PCGF3: variants seen among roughly 807,000 people sequenced by gnomAD.
PCGF3 encodes the protein polycomb group ring finger 3.
In PCGF3, 7 loss-of-function variants were observed where a neutral mutation model predicts 33.1. That is an observed-to-expected ratio of 0.21 (90% CI 0.12 to 0.40). The LOEUF (loss-of-function observed/expected upper bound fraction) is 0.40, where lower values mean the gene tolerates loss of function less well. PCGF3 is among the 10% of genes least tolerant of loss of function. The pLI is 1.00. For missense variants in PCGF3, 211 were observed against 313.3 expected, an observed-to-expected ratio of 0.67 and a Z score of 2.46; for synonymous variants, 153 against 121.3, an observed-to-expected ratio of 1.26 and a Z score of -1.72.
rs182600284 is a variant in PCGF3, at chr4:742,235, G to A, written c.263-1239G>A. On this transcript the variant is annotated intron_variant, in intron 6 of 10. Transcript: ENST00000362003. ...TCCCCTCCTCTCTCCCCAGGCTCTCGGGGTCCCCTCCTCTCTCTGCCCAGG... is the reference window on the plus strand; with the variant it reads ...TCCCCTCCTCTCTCCCCAGGCTCTCAGGGTCCCCTCCTCTCTCTGCCCAGG... Among the ~76,000 whole-genome samples, 739 of 147,326 alleles carry A rather than the reference G, an allele frequency of 5.0e-3. 10 individuals are homozygous for A. The highest frequency in any genetic ancestry group is 0.017 in the African/African-American group (682 of 39,808).
chr4:736,130 C>T (rs1743811885), intron 5 of PCGF3, among the ~76,000 whole-genome samples: 1 of 152,084 alleles, frequency 6.6e-6, no homozygotes. Context: ...TCACCGCAAC[C>T]TCCACCTCCC....
intron 6 of PCGF3, among the ~76,000 whole-genome samples, chr4:740,950 C>T (rs915223069): frequency 1.3e-5 from 2 of 152,130 alleles, no homozygotes; most frequent in Non-Finnish European, 2.9e-5. Flanking sequence ...TTCATGACGA[C>T]GTCAGAACGA....
intron 1 of PCGF3, among the ~76,000 whole-genome samples, chr4:710,909 C>T (rs1325202861): frequency 1.3e-5 from 2 of 152,218 alleles, no homozygotes; most frequent in African/African-American, 4.8e-5. Flanking sequence ...TTTCCTAAAC[C>T]ATTTTAAATA....
intron 6 of PCGF3, among the ~76,000 whole-genome samples, chr4:738,715 C>G (rs552810003): frequency 1.6e-4 from 24 of 148,380 alleles, no homozygotes; most frequent in African/African-American, 5.9e-4. Context: ...AAAAATTAGT[C>G]GGGCGTGGTG....
At chr4:736,355 ACTTTT>A (rs1253219106) in intron 5 of PCGF3, among the ~76,000 whole-genome samples, 1 of 152,126 alleles carries the variant, frequency 6.6e-6, no homozygotes, top group Non-Finnish European at 1.5e-5. Context: ...GCCCTCACAG[ACTTTT>A]CTTTACATTA....
At chr4:725,230 G>A (rs1265233206) in intron 1 of PCGF3, 1 of 152,582 alleles carries the variant, frequency 6.6e-6, no homozygotes, top group Non-Finnish European at 1.5e-5. Context: ...GCCGTGTGAG[G>A]TGCGTATTGC....
At chr4:763,635 C>T (rs1167126414) in intron 9 of PCGF3, among the ~76,000 whole-genome samples, 1 of 152,240 alleles carries the variant, frequency 6.6e-6, no homozygotes, top group African/African-American at 2.4e-5. Flanking sequence ...CCCGCAGGCC[C>T]TGTGGAGAAC....
intron 9 of PCGF3, chr4:764,773 T>A: frequency 1.9e-6 from 1 of 535,116 alleles, no homozygotes; most frequent in East Asian, 3.2e-5. Flanking sequence ...TGCACTGGAT[T>A]TCCGTTCAGC....
chr4:757,468 GCTT>G (rs937760146), intron 8 of PCGF3: 2 of 152,232 alleles, frequency 1.3e-5, no homozygotes, highest in Non-Finnish European at 2.9e-5. Flanking sequence ...TCTTTGGGGG[GCTT>G]CTTCCTCATT....
chr4:725,311 T>G (rs537733305), intron 1 of PCGF3: 1 of 153,252 alleles, frequency 6.5e-6, no homozygotes, highest in East Asian at 1.9e-4. Context: ...TGTTTCCAGC[T>G]TTAAGCTTTC....
intron 1 of PCGF3, among the ~76,000 whole-genome samples, chr4:707,487 G>A (rs967589737): frequency 7.1e-6 from 1 of 141,356 alleles, no homozygotes; most frequent in South Asian, 2.3e-4. Flanking sequence ...CCTGGGGGCC[G>A]GGACCCTGGG....
chr4:729,681 C>G (rs1036327081), intron 1 of PCGF3, among the ~76,000 whole-genome samples: 2 of 152,240 alleles, frequency 1.3e-5, no homozygotes, highest in Admixed American at 1.3e-4. Flanking sequence ...TAACTCTACT[C>G]TTTCCCTTCT....
chr4:765,020 G>C, exon 10 of PCGF3: 1 of 1,614,054 alleles, frequency 6.2e-7, no homozygotes, highest in Non-Finnish European at 8.5e-7. Context: ...CCTGGGCAAG[G>C]ACCACACACT....
At chr4:758,681 CGCGGCCCCTCTCCCGAGTTCTTCTCCT>C (rs1744905271) in intron 8 of PCGF3, among the ~76,000 whole-genome samples, 1 of 86,418 alleles carries the variant, frequency 1.2e-5, no homozygotes, top group East Asian at 3.4e-4. Context: ...TTTCTCCCCG[CGCGGCCCCTCTCCCGAGTTCTTCTCCT>C]TCCGGACTCC....
chr4:734,109 G>C, intron 4 of PCGF3: 1 of 1,550,658 alleles, frequency 6.4e-7, no homozygotes, highest in Admixed American at 2.0e-5. Flanking sequence ...ATCTCCAGAG[G>C]AGTTCCTTAG....
Position 751,630 on chromosome 4 carries a change from A to G in PCGF3, c.462+6942A>G, listed in dbSNP as rs561033579. Among the ~76,000 whole-genome samples the G allele has an allele frequency of 6.6e-5, 10 of 151,260 alleles. No individual in the cohort carries two copies. In the South Asian group the frequency reaches 1.5e-3, roughly 22 times the overall value. The stretch of plus-strand genomic sequence containing the variant: ...AATACTAAGCATTAAAAAAAAAAAA[A>G]CATATGAGGGAAGCACCTGCCACCC... On this transcript the variant is annotated intron_variant, in intron 8 of 10. Coordinates refer to ENST00000362003, the Ensembl canonical transcript of PCGF3.
chr4:753,629 C>G (rs145173133), intron 8 of PCGF3, among the ~76,000 whole-genome samples: 2 of 139,184 alleles, frequency 1.4e-5, no homozygotes, highest in Admixed American at 1.5e-4. Context: ...GGCGACAGAG[C>G]GAGAGTCCGG....
At chr4:755,075 G>A (rs532976033) in intron 8 of PCGF3, among the ~76,000 whole-genome samples, 92 of 152,322 alleles carry the variant, frequency 6.0e-4, no homozygotes, top group South Asian at 1.2e-3. Context: ...GTTGCATTTC[G>A]AGGTGTGTAA....
intron 1 of PCGF3, among the ~76,000 whole-genome samples, chr4:710,975 G>T (rs1272114897): frequency 6.6e-6 from 1 of 152,218 alleles, no homozygotes; most frequent in Non-Finnish European, 1.5e-5. Flanking sequence ...AGTTATTTGT[G>T]ACTTCATAAA....
Sources: gnomAD v4.1 joint callset for allele counts (sites outside exome capture counted in the v4.1 genomes callset) on GRCh38, gnomAD v4.1.1 for gene constraint, MANE v1.5 for transcripts, NCBI Gene and HGNC (gene_info 2026-07-23, HGNC 2026-07-21) for gene names.